The following THSD4 variants were observed in gnomAD, a reference collection of about 807,000 sequenced individuals.
THSD4 encodes thrombospondin type 1 domain containing 4.
In THSD4, 69 loss-of-function variants were observed where a neutral mutation model predicts 119.0. That is an observed-to-expected ratio of 0.58 (90% CI 0.48 to 0.71). THSD4 has a LOEUF of 0.71. Ranked by LOEUF, THSD4 falls within the 30% of genes least tolerant of loss-of-function variation. The pLI, the probability that THSD4 is intolerant of heterozygous loss-of-function variation, is 0.00. For missense variants in THSD4, 1,393 were observed against 1,391.1 expected (o/e 1.00, Z -0.02); for synonymous variants, 524 against 540.4 (o/e 0.97, Z 0.42).
chr15:71,548,084 A>C (rs1035060306), intron 7 of THSD4, among the ~76,000 whole-genome samples: 1 of 142,320 alleles, frequency 7.0e-6, no homozygotes, highest in African/African-American at 2.7e-5. Flanking sequence ...AGTTCATGTG[A>C]TTGTTGGGTA....
chr15:71,312,088 C>G (rs1320121426), intron 6 of THSD4, among the ~76,000 whole-genome samples: 1 of 152,184 alleles, frequency 6.6e-6, no homozygotes, highest in East Asian at 1.9e-4. Flanking sequence ...TTTCCCTGCC[C>G]TCTGTTCTGG....
chr15:71,651,666 CA>C (rs1567082394), intron 7 of THSD4, among the ~76,000 whole-genome samples: 7 of 150,846 alleles, frequency 4.6e-5, no homozygotes, highest in African/African-American at 1.7e-4. Context: ...TTTGATGTTC[CA>C]AAAAAATTTT....
At chr15:71,633,220 G>T (rs1179194944) in intron 7 of THSD4, among the ~76,000 whole-genome samples, 1 of 151,128 alleles carries the variant, frequency 6.6e-6, no homozygotes, top group Non-Finnish European at 1.5e-5. Context: ...GGAATATAGT[G>T]CCTTGAATCA....
chr15:71,225,829 C>G (rs2044013728), intron 4 of THSD4, among the ~76,000 whole-genome samples: 1 of 152,100 alleles, frequency 6.6e-6, no homozygotes, highest in African/African-American at 2.4e-5. Flanking sequence ...GCGTGAGCTA[C>G]CGTGCTAGGC....
At chr15:71,505,172 C>T (rs1357874237) in intron 7 of THSD4, among the ~76,000 whole-genome samples, 2 of 150,778 alleles carry the variant, frequency 1.3e-5, no homozygotes, top group Non-Finnish European at 3.0e-5. Context: ...TCAACAGATT[C>T]CCTTCCTTAT....
chr15:71,365,559 A>T (rs2045950708), intron 6 of THSD4, among the ~76,000 whole-genome samples: 1 of 152,158 alleles, frequency 6.6e-6, no homozygotes, highest in East Asian at 1.9e-4. Flanking sequence ...GTGGGGGACA[A>T]GGAAGAGGTT....
At position 71,777,224 on chromosome 15, in the gene THSD4, C is replaced by G; in HGVS notation, c.2915-8C>G. Reference sequence around the variant, plus strand: ...AGGGAGTCTTCTGTTCATTCTCTTTCGCTACAGATGAAAACTGCAAGGACA... The same window carrying G: ...AGGGAGTCTTCTGTTCATTCTCTTTGGCTACAGATGAAAACTGCAAGGACA... On this transcript the variant is annotated splice_polypyrimidine_tract_variant and splice_region_variant and intron_variant, in intron 17 of 17. Coordinates refer to ENST00000261862, the MANE Select transcript of THSD4 (RefSeq NM_024817.3). The G allele has an allele frequency of 6.2e-7, 1 of 1,614,174 alleles. No individual in the cohort carries two copies. The highest frequency in any genetic ancestry group is 8.5e-7 in the Non-Finnish European group (1 of 1,180,012).
chr15:71,647,289 G>A (rs2050988932), intron 7 of THSD4, among the ~76,000 whole-genome samples: 1 of 152,192 alleles, frequency 6.6e-6, no homozygotes, highest in Non-Finnish European at 1.5e-5. Context: ...AAAGTTGCAA[G>A]AGAACGGAAA....
At chr15:71,490,289 G>C (rs2047894550) in intron 7 of THSD4, among the ~76,000 whole-genome samples, 1 of 152,096 alleles carries the variant, frequency 6.6e-6, no homozygotes, top group Non-Finnish European at 1.5e-5. Context: ...GGCCGGGCGT[G>C]GTGGCTCACA....
chr15:71,292,952 G>A (rs1393112684), intron 6 of THSD4, among the ~76,000 whole-genome samples: 2 of 152,030 alleles, frequency 1.3e-5, no homozygotes, highest in South Asian at 2.1e-4. Flanking sequence ...CTGGGATTAC[G>A]GGCATGAGCC....
chr15:71,306,430 G>A (rs1453270193), intron 6 of THSD4, among the ~76,000 whole-genome samples: 2 of 151,266 alleles, frequency 1.3e-5, no homozygotes, highest in African/African-American at 4.9e-5. Flanking sequence ...TAATAACAGA[G>A]GTCACACCCA....
chr15:71,600,539 G>A (rs1023116425), intron 7 of THSD4, among the ~76,000 whole-genome samples: 1 of 152,012 alleles, frequency 6.6e-6, no homozygotes, highest in South Asian at 2.1e-4. Flanking sequence ...AGAATGATTG[G>A]GAATTATTAA....
intron 6 of THSD4, among the ~76,000 whole-genome samples, chr15:71,379,927 C>T (rs560824742): frequency 1.4e-4 from 21 of 151,950 alleles, no homozygotes; most frequent in African/African-American, 3.9e-4. Context: ...AGGGCTGCTA[C>T]ATGGCTGAAT....
chr15:71,641,812 T>C (rs1257067829), intron 7 of THSD4, among the ~76,000 whole-genome samples: 1 of 151,688 alleles, frequency 6.6e-6, no homozygotes, highest in Non-Finnish European at 1.5e-5. Flanking sequence ...GGTACAATGC[T>C]AAAAAGAAAC....
At chr15:71,758,994 C>A (rs12102237) in intron 15 of THSD4, among the ~76,000 whole-genome samples, 23,528 of 152,012 alleles carry the variant, frequency 0.15, 3,142 homozygotes, top group African/African-American at 0.35. Flanking sequence ...AGAAAAAAAA[C>A]AGCCTTTTTC....
chr15:71,308,055 T>C (rs1338410078), intron 6 of THSD4, among the ~76,000 whole-genome samples: 3 of 152,292 alleles, frequency 2.0e-5, no homozygotes, highest in African/African-American at 7.2e-5. Context: ...CCTGTGTGAC[T>C]GACCTCTAGT....
At chr15:71,678,013 C>T (rs1331321040) in intron 8 of THSD4, among the ~76,000 whole-genome samples, 1 of 152,220 alleles carries the variant, frequency 6.6e-6, no homozygotes, top group Non-Finnish European at 1.5e-5. Flanking sequence ...CGCCTAAGGA[C>T]AGCATCTTCA....
At chr15:71,552,659 G>T (rs2048950743) in intron 7 of THSD4, among the ~76,000 whole-genome samples, 1 of 152,184 alleles carries the variant, frequency 6.6e-6, no homozygotes, top group Non-Finnish European at 1.5e-5. Flanking sequence ...TTTTGTTGTT[G>T]TTGTTGAGAC....
intron 3 of THSD4, among the ~76,000 whole-genome samples, chr15:71,172,635 A>AGATAAT (rs2043380818): frequency 8.1e-6 from 1 of 124,194 alleles, no homozygotes; most frequent in Non-Finnish European, 1.7e-5. Context: ...GTGTAAAGAT[A>AGATAAT]GGCAAATAGA....
Sources: allele counts gnomAD v4.1 joint callset (sites outside exome capture counted in the v4.1 genomes callset), GRCh38; gene constraint gnomAD v4.1.1; transcripts MANE v1.5; gene names NCBI Gene and HGNC (gene_info 2026-07-23, HGNC 2026-07-21).